Variants in KAZN observed in about 807,000 individuals in gnomAD.
KAZN encodes the protein kazrin.
KAZN carries 40 observed loss-of-function variants against 87.4 expected under a neutral mutation model. That is an observed-to-expected ratio of 0.46 (90% CI 0.36 to 0.60). KAZN has a LOEUF of 0.60. KAZN is among the 20% of genes least tolerant of loss of function. The pLI is 0.00. For synonymous variants in KAZN, 466 were observed against 458.3 expected, an observed-to-expected ratio of 1.02 and a Z score of -0.22; for missense variants, 898 against 1,073.9, an observed-to-expected ratio of 0.84 and a Z score of 2.29.
chr1:14,446,904 A>G (rs1283773694), intron 2 of KAZN, among the ~76,000 whole-genome samples: 1 of 151,944 alleles, frequency 6.6e-6, no homozygotes. Flanking sequence ...AGCACCTTTA[A>G]AAAAAAATTC....
Position 14,945,199 on chromosome 1 carries a change from C to T in KAZN, c.227-15485C>T, listed in dbSNP as rs190888010. Among the ~76,000 whole-genome samples the T allele has an allele frequency of 1.9e-3, 293 of 152,320 alleles. 2 individuals carry two copies. Among genetic ancestry groups the T allele is most frequent in the Admixed American group, 0.016 (239 of 15,304 alleles). On this transcript the variant is annotated intron_variant, in intron 1 of 14. Transcript: ENST00000376030. ...GCATCAGGAGCACCCCTGCAGGCCTCGCAGCTATAGATGGTGGAAGTCCAG... is the reference window on the plus strand; with the variant it reads ...GCATCAGGAGCACCCCTGCAGGCCTTGCAGCTATAGATGGTGGAAGTCCAG...
intron 1 of KAZN, chr1:14,924,594 CG>C (rs1347848685): frequency 1.3e-5 from 13 of 993,312 alleles, no homozygotes; most frequent in East Asian, 2.1e-4. Context: ...CGGGGCGGGG[CG>C]GGGCGGGCGG....
At chr1:14,646,631 A>G (rs1680830871) in intron 1 of KAZN, among the ~76,000 whole-genome samples, 1 of 152,044 alleles carries the variant, frequency 6.6e-6, no homozygotes, top group Non-Finnish European at 1.5e-5. Flanking sequence ...GGCTTATAGC[A>G]TCCCTGGCCT....
At chr1:14,893,926 T>C (rs1654988488) in intron 1 of KAZN, among the ~76,000 whole-genome samples, 1 of 152,052 alleles carries the variant, frequency 6.6e-6, no homozygotes, top group Non-Finnish European at 1.5e-5. Context: ...ACATCTGAAA[T>C]ATTGATGTGG....
chr1:14,045,014 G>A (rs1642004630), intron 1 of KAZN, among the ~76,000 whole-genome samples: 1 of 152,136 alleles, frequency 6.6e-6, no homozygotes, highest in Non-Finnish European at 1.5e-5. Flanking sequence ...CACTCAGGGA[G>A]GTCGTAGAGG....
chr1:14,855,848 A>G (rs1005074385), intron 1 of KAZN, among the ~76,000 whole-genome samples: 1 of 152,230 alleles, frequency 6.6e-6, no homozygotes, highest in Admixed American at 6.5e-5. Flanking sequence ...CCATCAGCCT[A>G]TGTAATTGGA....
intron 1 of KAZN, among the ~76,000 whole-genome samples, chr1:14,727,471 T>TGAGAAAAGG (rs1643448937): frequency 1.2e-5 from 1 of 82,714 alleles, no homozygotes; most frequent in African/African-American, 5.2e-5. Context: ...TTTTTTTTTT[T>TGAGAAAAGG]TTTTTTTTTT....
intron 1 of KAZN, among the ~76,000 whole-genome samples, chr1:14,809,923 T>C (rs1211287111): frequency 1.3e-5 from 2 of 152,120 alleles, no homozygotes; most frequent in East Asian, 3.9e-4. Flanking sequence ...TAATACAAGG[T>C]AACGGGCTAG....
rs1355720655 is a variant in KAZN, at chr1:14,923,569, T to C, written c.227-37115T>C. ...GAATTACTAATGCCTAACTCATAGA[T>C]GGGGAAACTGAGGCTGGGGAAGTGA... On this transcript the variant is annotated intron_variant, in intron 1 of 14. Coordinates refer to ENST00000376030, the MANE Select transcript of KAZN (RefSeq NM_201628.3). This position sits in a 1 kb window ranked among gnomAD's most constrained non-coding sequence, Gnocchi z 4.2. Among the ~76,000 whole-genome samples the C allele has an allele frequency of 1.3e-5, 2 of 152,140 alleles. No individual in the cohort carries two copies. The highest frequency in any genetic ancestry group is 2.4e-5 in the African/African-American group (1 of 41,434).
intron 2 of KAZN, among the ~76,000 whole-genome samples, chr1:14,380,479 A>G (rs192514419): frequency 1.6e-4 from 25 of 152,344 alleles, no homozygotes; most frequent in African/African-American, 5.3e-4. Flanking sequence ...CACAAAGAAG[A>G]AAATCAGAAT....
At chr1:14,031,093 A>G (rs1257011087) in intron 1 of KAZN, among the ~76,000 whole-genome samples, 3 of 152,206 alleles carry the variant, frequency 2.0e-5, no homozygotes, top group Non-Finnish European at 2.9e-5. Flanking sequence ...TAGGACATCC[A>G]TGCACCACCA....
At chr1:14,764,063 A>T (rs1644817178) in intron 1 of KAZN, among the ~76,000 whole-genome samples, 1 of 152,142 alleles carries the variant, frequency 6.6e-6, no homozygotes, top group Admixed American at 6.5e-5. Flanking sequence ...ACTCATTTTA[A>T]ATTAATGTAC....
rs113875186 is a variant in KAZN at position 14,005,529 on chromosome 1, G to A, written c.91+111773G>A. Among the ~76,000 whole-genome samples, 31 of 152,260 alleles carry A rather than the reference G, an allele frequency of 2.0e-4. 1 individual carries two copies. In the South Asian group the frequency reaches 6.4e-3, roughly 32 times the overall value. ...TCTAGAGATATACAAGTAGACTCAT[G>A]GTGTAGACAGTTGGGTATGTCCGAA... On this transcript the variant is annotated intron_variant, in intron 1 of 16. Transcript: ENST00000636203.
chr1:14,142,233 G>C (rs1421771852), intron 1 of KAZN, among the ~76,000 whole-genome samples: 5 of 151,270 alleles, frequency 3.3e-5, no homozygotes, highest in African/African-American at 1.2e-4. Flanking sequence ...CTACTGAGAT[G>C]TCTAGCTGTG....
At chr1:14,205,884 C>CAAAAAAAAAAAAAAAAA (rs70997121) in intron 2 of KAZN, among the ~76,000 whole-genome samples, 370 of 35,210 alleles carry the variant, frequency 0.011, 136 homozygotes, top group Middle Eastern at 0.045. Flanking sequence ...GACACTGTCT[C>CAAAAAAAAAAAAAAAAA]AAAAAAAAAA....
intron 8 of KAZN, among the ~76,000 whole-genome samples, chr1:15,078,295 C>G (rs572938263): frequency 2.0e-5 from 3 of 152,034 alleles, no homozygotes; most frequent in African/African-American, 7.3e-5. Context: ...ATCACAGCTA[C>G]TCGGGGGGCT....
chr1:15,030,931 G>A (rs368608607), intron 2 of KAZN, among the ~76,000 whole-genome samples: 48 of 152,328 alleles, frequency 3.2e-4, no homozygotes, highest in African/African-American at 1.0e-3. Context: ...CCTCCTCCCC[G>A]TGGTGACATG....
intron 1 of KAZN, among the ~76,000 whole-genome samples, chr1:14,869,896 G>C (rs773331105): frequency 6.6e-6 from 1 of 152,142 alleles, no homozygotes; most frequent in African/African-American, 2.4e-5. Flanking sequence ...GGGTTGTACC[G>C]GTCTCCTGCC....
At chr1:14,590,326 C>T (rs1676118310) in intron 2 of KAZN, among the ~76,000 whole-genome samples, 1 of 152,168 alleles carries the variant, frequency 6.6e-6, no homozygotes, top group African/African-American at 2.4e-5. Context: ...GCTCCCTCCT[C>T]TGCTTCTGCC....
Sources: gnomAD v4.1 joint callset for allele counts (sites outside exome capture counted in the v4.1 genomes callset) on GRCh38, gnomAD v4.1.1 for gene constraint, Gnocchi (gnomAD v3.1) non-coding constraint, MANE v1.5 for transcripts, NCBI Gene and HGNC (gene_info 2026-07-23, HGNC 2026-07-21) for gene names.